PRDM10: variants seen among roughly 807,000 people sequenced by gnomAD.
PRDM10 encodes the protein PR domain zinc finger protein 10.
PRDM10 carries 65 observed loss-of-function variants against 133.1 expected under a neutral mutation model. The ratio of observed to expected loss-of-function variants is 0.49; its 90% CI spans 0.40 to 0.60. The LOEUF (loss-of-function observed/expected upper bound fraction) is 0.60, where lower values mean the gene tolerates loss of function less well. Among genes scored for constraint, PRDM10 ranks in the 20% least tolerant of loss-of-function variants. The pLI is 0.00. For missense variants in PRDM10, 1,137 were observed against 1,507.1 expected (o/e 0.75, Z 4.07); for synonymous variants, 582 against 580.4 (o/e 1.00, Z -0.04).
intron 10 of PRDM10, 66 bp downstream of exon 10, chr11:129,932,036 T>G: frequency 6.5e-7 from 1 of 1,544,628 alleles, no homozygotes; most frequent in African/African-American, 1.4e-5. Context: ...TACTTAGGTC[T>G]CGTCAGGGAT....
intron 11 of PRDM10, among the ~76,000 whole-genome samples, chr11:129,927,684 A>G (rs148933919): frequency 6.6e-6 from 1 of 152,092 alleles, no homozygotes; most frequent in East Asian, 1.9e-4. Context: ...TTCAATTTCC[A>G]TGGAGCCCTG....
chr11:129,989,925 G>A (rs576592119), intron 1 of PRDM10, among the ~76,000 whole-genome samples: 3 of 152,104 alleles, frequency 2.0e-5, no homozygotes, highest in Non-Finnish European at 4.4e-5. Flanking sequence ...AACTCAGGCC[G>A]GGCACGGTGG....
At chr11:129,932,341 T>C (rs1455846524) in intron 9 of PRDM10, 110 bp from the exon 10 acceptor site, 2 of 1,341,120 alleles carry the variant, frequency 1.5e-6, no homozygotes, top group Non-Finnish European at 1.0e-6. Context: ...TCTCACCTTA[T>C]TACTTTCCCA....
chr11:130,001,759 C>A (rs1939396418), intron 1 of PRDM10, among the ~76,000 whole-genome samples: 1 of 152,152 alleles, frequency 6.6e-6, no homozygotes, highest in South Asian at 2.1e-4. Context: ...CAAAAGCTGG[C>A]GAGGGGCTGG....
intron 1 of PRDM10, among the ~76,000 whole-genome samples, chr11:129,965,950 A>G (rs1207589884): frequency 6.6e-6 from 1 of 152,114 alleles, no homozygotes; most frequent in Non-Finnish European, 1.5e-5. Flanking sequence ...TCACTTAAAA[A>G]TCCAAATTAC....
chr11:129,988,446 G>C (rs957770755), intron 1 of PRDM10, among the ~76,000 whole-genome samples: 12 of 152,058 alleles, frequency 7.9e-5, no homozygotes, highest in African/African-American at 2.9e-4. Flanking sequence ...TGCCCAGGCT[G>C]GTCTCGAACT....
chr11:129,925,051 G>C lies in PRDM10; in HGVS notation c.1709C>G (p.Ser570Cys). 1 of 1,614,202 alleles carries C rather than the reference G, an allele frequency of 6.2e-7. No individual in the cohort carries two copies. The highest frequency in any genetic ancestry group is 8.5e-7 in the Non-Finnish European group (1 of 1,180,046). Residue 570 changes from serine (S) to cysteine (C), a missense_variant, in exon 12 of 21, where the codon TCC (serine) becomes TGC (cysteine). Ser to Cys is a moderately radical substitution (Grantham distance 112, BLOSUM62 -1). Transcript: ENST00000360871. ...GTGGAGCTTCATGTGGCTCTCCAAG[G>C]ATGTGCTGCTGATGAAGCCCTTGTT... ...LCNKGFISST[S>C]LESHMKLHSD...
intron 16 of PRDM10, 34 bp from the exon 17 acceptor site, chr11:129,915,052 T>C (rs1950313735): frequency 1.9e-6 from 3 of 1,541,262 alleles, no homozygotes; most frequent in African/African-American, 1.4e-5. Flanking sequence ...AGAATAATTA[T>C]TAGAATTTGT....
At chr11:129,919,894 T>C (rs1330143870) in intron 13 of PRDM10, among the ~76,000 whole-genome samples, 3 of 152,158 alleles carry the variant, frequency 2.0e-5, no homozygotes, top group African/African-American at 7.2e-5. Context: ...TCTGCTGCAA[T>C]GCATACGACC....
intron 1 of PRDM10, among the ~76,000 whole-genome samples, chr11:129,965,270 G>A (rs1406307659): frequency 6.6e-6 from 1 of 152,016 alleles, no homozygotes; most frequent in African/African-American, 2.4e-5. Flanking sequence ...AGAAAGAAAA[G>A]AAATCTAACA....
At chr11:129,983,284 T>C (rs1938217374) in intron 1 of PRDM10, among the ~76,000 whole-genome samples, 1 of 146,764 alleles carries the variant, frequency 6.8e-6, no homozygotes, top group Admixed American at 6.9e-5. Flanking sequence ...GGTCTAAAAA[T>C]CTTTTTATTT....
intron 1 of PRDM10, among the ~76,000 whole-genome samples, chr11:130,001,960 C>T (rs1233976894): frequency 6.6e-6 from 1 of 151,530 alleles, no homozygotes; most frequent in African/African-American, 2.4e-5. Context: ...GCGGGCCGGC[C>T]CCCCGCCCCG....
chr11:129,951,620 C>T (rs189984684), intron 4 of PRDM10, among the ~76,000 whole-genome samples: 13 of 152,250 alleles, frequency 8.5e-5, no homozygotes, highest in African/African-American at 3.1e-4. Flanking sequence ...TCTGAAAGGA[C>T]ATAATGCATT....
intron 1 of PRDM10, among the ~76,000 whole-genome samples, chr11:129,998,124 T>C (rs1241615874): frequency 6.6e-6 from 1 of 152,206 alleles, no homozygotes; most frequent in Non-Finnish European, 1.5e-5. Context: ...CCCAGTCTAT[T>C]CAACATATTG....
At chr11:129,973,844 A>G (rs1937627100) in intron 1 of PRDM10, among the ~76,000 whole-genome samples, 1 of 152,260 alleles carries the variant, frequency 6.6e-6, no homozygotes, top group Non-Finnish European at 1.5e-5. Flanking sequence ...ACTTGTATCC[A>G]GAAGACTTGC....
intron 1 of PRDM10, among the ~76,000 whole-genome samples, chr11:129,999,267 CCT>C (rs2136013409): frequency 6.6e-6 from 1 of 152,272 alleles, no homozygotes; most frequent in South Asian, 2.1e-4. Context: ...GAAAAGTTCC[CCT>C]CTCACCCTCC....
chr11:129,954,110 C>T (rs1201830772), intron 4 of PRDM10, among the ~76,000 whole-genome samples: 4 of 150,724 alleles, frequency 2.7e-5, no homozygotes, highest in Admixed American at 6.6e-5. Flanking sequence ...CCAACTTATA[C>T]AAAAAAGGCT....
Position 129,947,083 on chromosome 11 carries a change from C to A in PRDM10, c.520+62G>T. The A allele has an allele frequency of 1.3e-6, 2 of 1,588,714 alleles. No individual in the cohort carries two copies. The highest frequency in any genetic ancestry group is 1.7e-6 in the Non-Finnish European group (2 of 1,166,652). ...CGGGAGCTATGTTCACACACACGCA[C>A]ACGTACACAGACACACAAGATGGAC... On this transcript the variant is annotated intron_variant, in intron 5 of 20. Transcript: ENST00000360871. This position sits in a 1 kb window ranked among gnomAD's most constrained non-coding sequence, Gnocchi z 4.6.
chr11:129,932,281 A>G (rs181519905), intron 9 of PRDM10, 50 bp from the exon 10 acceptor site: 25 of 1,593,026 alleles, frequency 1.6e-5, no homozygotes, highest in Non-Finnish European at 2.1e-5. Context: ...ATAATACTCC[A>G]TAACAAGTAG....
Sources: gnomAD v4.1 joint callset for allele counts (sites outside exome capture counted in the v4.1 genomes callset) on GRCh38, gnomAD v4.1.1 for gene constraint, Gnocchi (gnomAD v3.1) non-coding constraint, MANE v1.5 for transcripts, NCBI Gene and HGNC (gene_info 2026-07-23, HGNC 2026-07-21) for gene names.